Variants in CBLB observed in about 807,000 individuals in gnomAD.
CBLB encodes E3 ubiquitin-protein ligase CBL-B.
A neutral mutation model predicts 104.9 loss-of-function variants in CBLB; 31 were observed. The observed-to-expected ratio is 0.30, with a 90% CI of 0.22 to 0.40. The LOEUF is 0.40. Among genes scored for constraint, CBLB ranks in the 10% least tolerant of loss-of-function variants. The pLI is 1.00. For missense variants in CBLB, 1,062 were observed against 1,214.6 expected (o/e 0.87, Z 1.87); for synonymous variants, 440 against 422.6 (o/e 1.04, Z -0.51).
intron 3 of CBLB, among the ~76,000 whole-genome samples, chr3:105,838,213 A>T (rs2088896033): frequency 1.4e-5 from 2 of 139,798 alleles, no homozygotes; most frequent in Non-Finnish European, 1.5e-5. Context: ...CCTCCAGAGT[A>T]GCTGGGACCA....
intron 3 of CBLB, among the ~76,000 whole-genome samples, chr3:105,810,410 T>C (rs560322759): frequency 2.6e-5 from 4 of 152,272 alleles, no homozygotes; most frequent in African/African-American, 9.6e-5. Flanking sequence ...TAATATTTAT[T>C]TTTATTTTAA....
chr3:105,786,071 A>G (rs78010656), intron 3 of CBLB, among the ~76,000 whole-genome samples: 17,413 of 92,116 alleles, frequency 0.19, 1,852 homozygotes, highest in South Asian at 0.27. Flanking sequence ...CGGGGGGGGG[A>G]AAGTGGGTAA....
Position 105,701,750 on chromosome 3 carries a change from C to T in CBLB, c.1959+344G>A, listed in dbSNP as rs369462472. On this transcript the variant is annotated intron_variant, in intron 12 of 18. Transcript: ENST00000394030. The stretch of plus-strand genomic sequence containing the variant: ...TGCACTCCAGCCTGGGGGGCAAGAG[C>T]GAGGCTTCGTCTCAAAAAAAAAAAA... Among the ~76,000 whole-genome samples, 15 of 133,028 alleles carry T rather than the reference C, an allele frequency of 1.1e-4. No individual in the cohort carries two copies. In the South Asian group the frequency reaches 3.8e-3, roughly 33 times the overall value. The allele number at this position is 133,028 out of a possible 152,430, so 87.3% of individuals were successfully genotyped here.
intron 9 of CBLB, among the ~76,000 whole-genome samples, chr3:105,728,848 A>G (rs2073987510): frequency 6.6e-6 from 1 of 152,184 alleles, no homozygotes; most frequent in African/African-American, 2.4e-5. Flanking sequence ...GGCCATTATG[A>G]CAGCAATTAA....
intron 3 of CBLB, among the ~76,000 whole-genome samples, chr3:105,825,697 T>A (rs1282887030): frequency 6.6e-6 from 1 of 152,206 alleles, no homozygotes; most frequent in Non-Finnish European, 1.5e-5. Flanking sequence ...TAAAAACAAC[T>A]CCTCATTAAA....
At chr3:105,761,252 G>A (rs62261492) in intron 4 of CBLB, among the ~76,000 whole-genome samples, 11,245 of 152,120 alleles carry the variant, frequency 0.074, 591 homozygotes, top group Admixed American at 0.16. Flanking sequence ...GGCTGGTCTC[G>A]AACTTCTGGA....
intron 10 of CBLB, among the ~76,000 whole-genome samples, chr3:105,717,337 A>G (rs527898551): frequency 6.6e-6 from 1 of 152,280 alleles, no homozygotes; most frequent in Non-Finnish European, 1.5e-5. Context: ...TATCTCAAAT[A>G]CTTTTCTGTC....
chr3:105,697,892 C>A (rs1380023153), intron 12 of CBLB, among the ~76,000 whole-genome samples: 1 of 151,952 alleles, frequency 6.6e-6, no homozygotes, highest in African/African-American at 2.4e-5. Flanking sequence ...AGATACATTG[C>A]AAGTTTTTAG....
intron 3 of CBLB, among the ~76,000 whole-genome samples, chr3:105,819,064 C>A (rs558316504): frequency 6.6e-6 from 1 of 152,286 alleles, no homozygotes; most frequent in South Asian, 2.1e-4. Flanking sequence ...GCATACTTTG[C>A]AAAATGTTAG....
At chr3:105,751,434 TG>T (rs2076585031) in intron 5 of CBLB, 27 bp downstream of exon 5, 1 of 1,535,528 alleles carries the variant, frequency 6.5e-7, no homozygotes, top group African/African-American at 1.4e-5. Context: ...AAGAAGGGAA[TG>T]GATAGACTAA....
chr3:105,781,858 A>C (rs2080296145), intron 3 of CBLB, among the ~76,000 whole-genome samples: 1 of 152,246 alleles, frequency 6.6e-6, no homozygotes, highest in African/African-American at 2.4e-5. Context: ...CACATTTAAA[A>C]GCTAGAACAT....
Position 105,704,152 on chromosome 3 carries a change from G to T in CBLB, c.1429C>A (p.Pro477Thr). The part of the protein sequence containing the change: ...VRKCTDRQNS[P>T]VTSPGSSPLA... ...GGAGAGGATCCTGGTGATGTGACTGGTGAGTTCTGCCTGTCAGTGCACTAG... is the reference window on the plus strand; with the variant it reads ...GGAGAGGATCCTGGTGATGTGACTGTTGAGTTCTGCCTGTCAGTGCACTAG... The change falls in exon 11 of 19, where the codon CCA becomes ACA. Residue 477 changes from proline to threonine, a missense_variant. Transcript: ENST00000394030. 6.2e-7 allele frequency: 1 copy of T among 1,614,096 alleles called. No homozygotes were observed. Among genetic ancestry groups the T allele is most frequent in the Non-Finnish European group, 8.5e-7 (1 of 1,179,986 alleles).
Position 105,685,355 on chromosome 3 carries a change from T to C in CBLB, c.2166A>G (p.Gln722=), listed in dbSNP as rs115727687. 52 of 1,613,860 alleles carry C rather than the reference T, an allele frequency of 3.2e-5. No individual in the cohort carries two copies. The highest frequency in any genetic ancestry group is 5.0e-5 in the Admixed American group (3 of 60,034). The change falls in exon 14 of 19, where the codon CAA becomes CAG. Residue 722 remains glutamine (Q), a synonymous_variant. Transcript: ENST00000394030. ...GTTTTACATTATGACAATGAGATGGTTGTGAATTCAGGGAAACAGGGTGGG... is the reference window on the plus strand; with the variant it reads ...GTTTTACATTATGACAATGAGATGGCTGTGAATTCAGGGAAACAGGGTGGG... ...PSSHPVSLNS[Q]PSHCHNVKPP... is the part of the protein sequence containing the mutation.
chr3:105,685,590 A>G (rs759468708), intron 13 of CBLB, 124 bp from the exon 14 acceptor site: 15 of 769,956 alleles, frequency 1.9e-5, no homozygotes, highest in Non-Finnish European at 3.3e-5. Context: ...ATTACAGGGT[A>G]TCATCAGAGA....
intron 10 of CBLB, among the ~76,000 whole-genome samples, chr3:105,712,274 TTC>T (rs2071223104): frequency 6.6e-6 from 1 of 152,190 alleles, no homozygotes; most frequent in African/African-American, 2.4e-5. Context: ...TATGGTTCTC[TTC>T]TCTTTATGCA....
At chr3:105,805,841 T>C (rs1207197288) in intron 3 of CBLB, among the ~76,000 whole-genome samples, 2 of 152,076 alleles carry the variant, frequency 1.3e-5, no homozygotes, top group African/African-American at 4.8e-5. Context: ...ATTAATTCTT[T>C]TATTACCTTG....
intron 13 of CBLB, among the ~76,000 whole-genome samples, chr3:105,690,619 C>G (rs969747246): frequency 1.3e-5 from 2 of 151,868 alleles, no homozygotes; most frequent in Admixed American, 6.6e-5. Flanking sequence ...GTCAGGAGTT[C>G]GAGACCAGCC....
intron 3 of CBLB, among the ~76,000 whole-genome samples, chr3:105,832,738 TGTA>T (rs1193873632): frequency 1.4e-4 from 21 of 152,312 alleles, no homozygotes; most frequent in African/African-American, 4.8e-4. Context: ...CTAAATAGGA[TGTA>T]GCTCAAGATG....
intron 2 of CBLB, among the ~76,000 whole-genome samples, chr3:105,854,727 G>C (rs923172768): frequency 6.6e-6 from 1 of 151,968 alleles, no homozygotes; most frequent in Non-Finnish European, 1.5e-5. Context: ...CTGCCTCCCG[G>C]GTTCAAGTGA....
Sources: allele counts gnomAD v4.1 joint callset (sites outside exome capture counted in the v4.1 genomes callset), GRCh38; gene constraint gnomAD v4.1.1; transcripts MANE v1.5; gene names NCBI Gene and HGNC (gene_info 2026-07-23, HGNC 2026-07-21).